LMO7: variants seen among roughly 807,000 people sequenced by gnomAD.
LMO7 encodes the protein LIM domain only protein 7.
In LMO7, 120 loss-of-function variants were observed where a neutral mutation model predicts 206.5. The observed-to-expected ratio is 0.58, with a 90% CI of 0.50 to 0.68. The LOEUF is 0.68. LMO7 is among the 30% of genes least tolerant of loss of function. The pLI is 0.00. For missense variants in LMO7, 1,959 were observed against 1,957.9 expected (o/e 1.00, Z -0.01); for synonymous variants, 706 against 681.5 (o/e 1.04, Z -0.56).
At chr13:75,625,285 A>G (rs1473515263) in intron 2 of LMO7, among the ~76,000 whole-genome samples, 10 of 152,188 alleles carry the variant, frequency 6.6e-5, no homozygotes, top group African/African-American at 1.9e-4. Context: ...TTCTTCTCAT[A>G]TTCTTCTGAT....
chr13:75,660,971 T>C (rs2038535827), intron 1 of LMO7, among the ~76,000 whole-genome samples: 1 of 152,206 alleles, frequency 6.6e-6, no homozygotes, highest in Non-Finnish European at 1.5e-5. Flanking sequence ...GGTTAAATGA[T>C]GCAAGACCAC....
At position 75,661,723 on chromosome 13, in the gene LMO7, G is replaced by A. The variant is rs190155259; in HGVS notation, c.69+24997G>A. On this transcript the variant is annotated intron_variant, in intron 1 of 30. Coordinates refer to ENST00000377534, the MANE Select transcript of LMO7 (RefSeq NM_001306080.2). ...CATTTGGAGTGCATCTGCACTGGAA[G>A]CAGGTGTTCTTGCCCCTCCCGTGCT... is the stretch of plus-strand genomic sequence containing the variant. Among the ~76,000 whole-genome samples the A allele has an allele frequency of 8.9e-4, 136 of 152,324 alleles. No homozygotes were observed. In the East Asian group the frequency reaches 0.013, roughly 14 times the overall value.
intron 7 of LMO7, among the ~76,000 whole-genome samples, chr13:75,803,776 T>C (rs1054047257): frequency 2.0e-5 from 3 of 152,202 alleles, no homozygotes; most frequent in African/African-American, 7.2e-5. Context: ...TAATGTGTGA[T>C]TCTGGTTTAT....
At chr13:75,643,403 A>G (rs1331469518) in intron 1 of LMO7, among the ~76,000 whole-genome samples, 1 of 152,224 alleles carries the variant, frequency 6.6e-6, no homozygotes, top group African/African-American at 2.4e-5. Flanking sequence ...TCTAGTTAGC[A>G]TCTGCTGATT....
chr13:75,808,263 C>A, intron 10 of LMO7, 64 bp downstream of exon 10: 2 of 1,475,330 alleles, frequency 1.4e-6, no homozygotes, highest in South Asian at 1.4e-5. Flanking sequence ...TTTTCTCATG[C>A]GAGAAAGCAG....
intron 7 of LMO7, among the ~76,000 whole-genome samples, chr13:75,802,810 C>G (rs566443794): frequency 1.3e-5 from 2 of 152,276 alleles, no homozygotes; most frequent in South Asian, 2.1e-4. Flanking sequence ...TACTGCTACT[C>G]TCTAGATTGT....
chr13:75,776,046 A>G (rs1308889870), intron 4 of LMO7, among the ~76,000 whole-genome samples: 1 of 148,628 alleles, frequency 6.7e-6, no homozygotes, highest in East Asian at 2.0e-4. Context: ...AAGATACAGA[A>G]TTAACGTAAG....
chr13:75,809,800 T>C (rs2056071727), intron 11 of LMO7, among the ~76,000 whole-genome samples: 1 of 151,986 alleles, frequency 6.6e-6, no homozygotes, highest in Admixed American at 6.6e-5. Flanking sequence ...ATATTTTTAA[T>C]TTCTAATATC....
At chr13:75,733,430 C>T (rs1020767262) in intron 3 of LMO7, among the ~76,000 whole-genome samples, 2 of 152,204 alleles carry the variant, frequency 1.3e-5, no homozygotes, top group Non-Finnish European at 2.9e-5. Flanking sequence ...CCCTCCGAGC[C>T]AGGTGTGGGA....
At chr13:75,838,839 G>A (rs577910024) in intron 20 of LMO7, among the ~76,000 whole-genome samples, 6 of 152,134 alleles carry the variant, frequency 3.9e-5, no homozygotes, top group African/African-American at 9.7e-5. Context: ...ATTTGCTCCC[G>A]TGTCACGTTT....
At chr13:75,645,422 C>T (rs895689669) in intron 1 of LMO7, among the ~76,000 whole-genome samples, 1 of 152,156 alleles carries the variant, frequency 6.6e-6, no homozygotes, top group Non-Finnish European at 1.5e-5. Context: ...TATAAACTTT[C>T]ATTCTGGCTT....
chr13:75,792,152 G>C (rs768794766), intron 4 of LMO7, among the ~76,000 whole-genome samples: 23 of 152,084 alleles, frequency 1.5e-4, no homozygotes, highest in Non-Finnish European at 2.9e-4. Flanking sequence ...CATTGTTTAA[G>C]AGGCAGGGTC....
At chr13:75,731,779 T>C (rs534163504) in intron 3 of LMO7, among the ~76,000 whole-genome samples, 93 of 152,314 alleles carry the variant, frequency 6.1e-4, no homozygotes, top group Admixed American at 1.6e-3. Context: ...AGTTGTTCCT[T>C]TCCATGTTTA....
chr13:75,726,032 A>T lies in LMO7; in HGVS notation c.141-997A>T, dbSNP rs1195204801. On this transcript the variant is annotated intron_variant, in intron 2 of 30. Coordinates refer to ENST00000377534, the MANE Select transcript of LMO7 (RefSeq NM_001306080.2). ...GCCCATTGTGCTAAGGAGACCAGTAAATTAAGAATGTTTAATGATTTCTCC... is the reference window on the plus strand; with the variant it reads ...GCCCATTGTGCTAAGGAGACCAGTATATTAAGAATGTTTAATGATTTCTCC... 3.3e-5 allele frequency among the ~76,000 whole-genome samples: 5 copies of T among 151,732 alleles called. No individual in the cohort carries two copies. The South Asian group carries it at 1.0e-3, about 32-fold the overall frequency.
chr13:75,805,933 G>T, intron 9 of LMO7, 173 bp downstream of exon 9: 1 of 1,109,092 alleles, frequency 9.0e-7, no homozygotes, highest in Non-Finnish European at 1.3e-6. Flanking sequence ...TAAACCTGAG[G>T]ATCTAGATCT....
chr13:75,809,728 G>GA (rs970591263), intron 11 of LMO7, among the ~76,000 whole-genome samples: 4 of 150,078 alleles, frequency 2.7e-5, no homozygotes, highest in East Asian at 1.9e-4. Flanking sequence ...TCCTGATTAG[G>GA]AAAAAAAAGT....
In LMO7 at chr13:75,807,626, A is replaced by G; in HGVS notation, c.1343A>G (p.Asp448Gly). ...LSYAPGYRRD[D>G]LEMAALDPDL... Reference sequence around the variant, plus strand: ...TATGCACCAGGCTATAGAAGAGATGACCTCGAGATGGCAGCCCTGGATCCT... The same window carrying G: ...TATGCACCAGGCTATAGAAGAGATGGCCTCGAGATGGCAGCCCTGGATCCT... The change falls in exon 10 of 31, where the codon GAC (aspartate) becomes GGC (glycine). Residue 448 changes from aspartate to glycine, a missense_variant. Asp to Gly is a moderately conservative substitution (Grantham distance 94). Transcript: ENST00000377534. 1 of 1,613,926 alleles carries G rather than the reference A, an allele frequency of 6.2e-7. No individual in the cohort carries two copies. The highest frequency in any genetic ancestry group is 8.5e-7 in the Non-Finnish European group (1 of 1,179,868).
At chr13:75,840,626 G>A in intron 22 of LMO7, 131 bp downstream of exon 22, 1 of 1,082,426 alleles carries the variant, frequency 9.2e-7, no homozygotes, top group Non-Finnish European at 1.3e-6. Flanking sequence ...TTTGCACACA[G>A]TACATTTTCC....
chr13:75,708,639 C>A, intron 1 of LMO7, among the ~76,000 whole-genome samples: 1 of 152,112 alleles, frequency 6.6e-6, no homozygotes, highest in East Asian at 1.9e-4. Context: ...TCTGCACTCC[C>A]CTTGAGTTTG....
Sources: allele counts gnomAD v4.1 joint callset (sites outside exome capture counted in the v4.1 genomes callset), GRCh38; gene constraint gnomAD v4.1.1; transcripts MANE v1.5; gene names NCBI Gene and HGNC (gene_info 2026-07-23, HGNC 2026-07-21).